NKAIN2: variants seen among roughly 807,000 people sequenced by gnomAD.
NKAIN2 encodes sodium/potassium transporting ATPase interacting 2, also known as sodium/potassium-transporting ATPase subunit beta-1-interacting protein 2.
A neutral mutation model predicts 32.6 loss-of-function variants in NKAIN2; 14 were observed. The ratio of observed to expected loss-of-function variants is 0.43; its 90% CI spans 0.28 to 0.67. NKAIN2 has a LOEUF of 0.67. Ranked by LOEUF, NKAIN2 falls within the 30% of genes least tolerant of loss-of-function variation. The pLI is 0.17. For missense variants in NKAIN2, 198 were observed against 258.3 expected (o/e 0.77, Z 1.60); for synonymous variants, 80 against 87.2 (o/e 0.92, Z 0.46).
At chr6:124,729,511 C>T (rs1377662529) in intron 4 of NKAIN2, among the ~76,000 whole-genome samples, 1 of 151,306 alleles carries the variant, frequency 6.6e-6, no homozygotes, top group Non-Finnish European at 1.5e-5. Flanking sequence ...TTCAACAACC[C>T]TTCATGCTAA....
chr6:123,966,815 C>G (rs895969247), intron 1 of NKAIN2, among the ~76,000 whole-genome samples: 5 of 152,142 alleles, frequency 3.3e-5, no homozygotes, highest in African/African-American at 1.2e-4. Flanking sequence ...AAATACTGTT[C>G]ACGTGTCAGA....
At chr6:124,390,211 A>G (rs1019276511) in intron 3 of NKAIN2, among the ~76,000 whole-genome samples, 7 of 152,128 alleles carry the variant, frequency 4.6e-5, no homozygotes, top group Non-Finnish European at 7.4e-5. Context: ...TTTCATTAGT[A>G]TATTTCCACC....
chr6:123,856,080 T>C (rs1775544064), intron 1 of NKAIN2, among the ~76,000 whole-genome samples: 1 of 152,240 alleles, frequency 6.6e-6, no homozygotes, highest in South Asian at 2.1e-4. Context: ...TTGATTTCTT[T>C]TGATTTCTTA....
intron 2 of NKAIN2, among the ~76,000 whole-genome samples, chr6:124,342,237 TA>T (rs532210636): frequency 1.6e-3 from 232 of 142,874 alleles, no homozygotes; most frequent in Middle Eastern, 0.011. Context: ...CCGTGTCTAC[TA>T]AAAAAAAAAA....
intron 3 of NKAIN2, among the ~76,000 whole-genome samples, chr6:124,406,013 G>GGTGTGTGTGT (rs59361002): frequency 3.0e-4 from 45 of 148,458 alleles, no homozygotes; most frequent in Middle Eastern, 3.2e-3. Flanking sequence ...TTACCACCAC[G>GGTGTGTGTGT]GTGTGTGTGT....
At chr6:124,136,009 GA>G (rs1194776294) in intron 1 of NKAIN2, among the ~76,000 whole-genome samples, 1 of 150,330 alleles carries the variant, frequency 6.7e-6, no homozygotes, top group African/African-American at 2.4e-5. Context: ...AAACCCAGCA[GA>G]AAAAAAGCAA....
intron 1 of NKAIN2, among the ~76,000 whole-genome samples, chr6:123,977,988 A>G (rs1395634268): frequency 1.3e-5 from 2 of 152,180 alleles, no homozygotes; most frequent in African/African-American, 4.8e-5. Flanking sequence ...ATGAAGAACA[A>G]ATACAAAAAT....
chr6:124,051,581 G>C (rs950419517), intron 1 of NKAIN2, among the ~76,000 whole-genome samples: 23 of 151,766 alleles, frequency 1.5e-4, no homozygotes, highest in African/African-American at 5.6e-4. Flanking sequence ...CCGCTCCCCC[G>C]ACCCCACAAC....
intron 3 of NKAIN2, among the ~76,000 whole-genome samples, chr6:124,401,712 C>A (rs1773633963): frequency 6.6e-6 from 1 of 151,922 alleles, no homozygotes; most frequent in African/African-American, 2.4e-5. Context: ...ATTTTTTGGC[C>A]ATTTGGATAT....
chr6:124,160,088 A>T (rs753997005), intron 1 of NKAIN2, among the ~76,000 whole-genome samples: 1 of 152,178 alleles, frequency 6.6e-6, no homozygotes, highest in Non-Finnish European at 1.5e-5. Context: ...TAGCTTACAG[A>T]TCCTCCCAGA....
At chr6:123,900,299 G>A (rs1003191367) in intron 1 of NKAIN2, among the ~76,000 whole-genome samples, 4 of 151,616 alleles carry the variant, frequency 2.6e-5, no homozygotes, top group Admixed American at 2.6e-4. Context: ...GTGAAACCCC[G>A]TCTCTACTAA....
intron 1 of NKAIN2, among the ~76,000 whole-genome samples, chr6:124,171,805 G>T (rs1253063369): frequency 6.6e-6 from 1 of 150,482 alleles, no homozygotes; most frequent in Non-Finnish European, 1.5e-5. Context: ...GCCTGCCTTG[G>T]CCTCCCAAAG....
chr6:124,534,110 C>T (rs1362211512), intron 3 of NKAIN2, among the ~76,000 whole-genome samples: 2 of 152,076 alleles, frequency 1.3e-5, no homozygotes, highest in Non-Finnish European at 2.9e-5. Context: ...CTGCTAGTGC[C>T]TCCACAGTGT....
chr6:124,813,026 TA>T (rs11324418), intron 5 of NKAIN2, among the ~76,000 whole-genome samples: 79,601 of 151,784 alleles, frequency 0.52, 23,550 homozygotes, highest in African/African-American at 0.82. Flanking sequence ...CTCATAACTT[TA>T]AAAAAACATC....
chr6:124,402,829 G>A (rs559864130), intron 3 of NKAIN2, among the ~76,000 whole-genome samples: 1 of 152,238 alleles, frequency 6.6e-6, no homozygotes, highest in Non-Finnish European at 1.5e-5. Flanking sequence ...GAAGGTAAAG[G>A]TGGAAAAACT....
intron 1 of NKAIN2, among the ~76,000 whole-genome samples, chr6:123,807,832 C>A (rs1445689915): frequency 1.3e-5 from 2 of 152,086 alleles, no homozygotes; most frequent in Non-Finnish European, 2.9e-5. Context: ...AAAAATGCCA[C>A]TATTGCCATG....
chr6:124,139,078 AATTTTTT>A (rs1337435508), intron 1 of NKAIN2, among the ~76,000 whole-genome samples: 7 of 73,534 alleles, frequency 9.5e-5, no homozygotes, highest in African/African-American at 3.9e-4. Flanking sequence ...TTTAAATAAA[AATTTTTT>A]TTTTTTTTTT....
intron 3 of NKAIN2, among the ~76,000 whole-genome samples, chr6:124,646,647 T>C (rs543451273): frequency 1.7e-4 from 26 of 152,092 alleles, no homozygotes; most frequent in Non-Finnish European, 3.4e-4. Context: ...GCTGAATGTA[T>C]TTCCTACATA....
chr6:123,976,328 C>T (rs537876842), intron 1 of NKAIN2, among the ~76,000 whole-genome samples: 2,386 of 28,238 alleles, frequency 0.084, 334 homozygotes, highest in African/African-American at 0.13. Context: ...TATATATGTT[C>T]CCATATATAT....
Sources: gnomAD v4.1 joint callset for allele counts (sites outside exome capture counted in the v4.1 genomes callset) on GRCh38, gnomAD v4.1.1 for gene constraint, MANE v1.5 for transcripts, NCBI Gene and HGNC (gene_info 2026-07-23, HGNC 2026-07-21) for gene names.